The following MGAT4C variants were observed in gnomAD, a reference collection of about 807,000 sequenced individuals.
The protein encoded by MGAT4C is MGAT4 family member C, also known as alpha-1,3-mannosyl-glycoprotein 4-beta-N-acetylglucosaminyltransferase C.
A neutral mutation model predicts 40.1 loss-of-function variants in MGAT4C; 19 were observed. The ratio of observed to expected loss-of-function variants is 0.47; its 90% CI spans 0.33 to 0.70. The LOEUF is 0.70. Among genes scored for constraint, MGAT4C ranks in the 30% least tolerant of loss-of-function variants. The probability of loss-of-function intolerance (pLI) is 0.02; values close to 1 mark genes in which losing one functional copy is unlikely to be tolerated. For synonymous variants in MGAT4C, 181 were observed against 187.1 expected (o/e 0.97, Z 0.27); for missense variants, 491 against 563.2 (o/e 0.87, Z 1.30).
At chr12:86,654,779 C>T (rs189259146) in intron 2 of MGAT4C, among the ~76,000 whole-genome samples, 196 of 149,964 alleles carry the variant, frequency 1.3e-3, no homozygotes, top group African/African-American at 4.6e-3. Context: ...TTCTCTGGGA[C>T]GCTTATTAAA....
Position 86,687,849 on chromosome 12 carries a change from C to T in MGAT4C, c.-229+39360G>A, listed in dbSNP as rs559028330. On this transcript the variant is annotated intron_variant, in intron 2 of 7. Coordinates refer to the MGAT4C transcript ENST00000548651. ...AGTGTTCTGTAGATTTCTATTAGGT[C>T]TGTTTGGTCCAGTGCTGAGTTCAAA... Among the ~76,000 whole-genome samples the T allele has an allele frequency of 2.0e-5, 3 of 152,192 alleles. No individual in the cohort carries two copies. In the East Asian group the frequency reaches 5.8e-4, roughly 29 times the overall value.
chr12:86,346,303 C>T (rs1333819615), intron 3 of MGAT4C, among the ~76,000 whole-genome samples: 3 of 152,166 alleles, frequency 2.0e-5, no homozygotes, highest in African/African-American at 4.8e-5. Flanking sequence ...CAGCTCACTG[C>T]AACCTCTGCC....
chr12:86,775,468 C>G (rs549262046), intron 1 of MGAT4C, among the ~76,000 whole-genome samples: 3 of 150,908 alleles, frequency 2.0e-5, no homozygotes, highest in African/African-American at 4.8e-5. Context: ...ATTATGCTTG[C>G]TGAGTATCCA....
intron 2 of MGAT4C, among the ~76,000 whole-genome samples, chr12:86,017,833 T>G (rs2136849204): frequency 6.6e-6 from 1 of 152,314 alleles, no homozygotes; most frequent in Admixed American, 6.5e-5. Context: ...GAATCTCTAT[T>G]ATTTACCTCT....
intron 1 of MGAT4C, among the ~76,000 whole-genome samples, chr12:86,164,637 T>C (rs1344896695): frequency 1.3e-5 from 2 of 152,096 alleles, no homozygotes; most frequent in Non-Finnish European, 2.9e-5. Flanking sequence ...TGACTTTGAG[T>C]TCAGTTCTGA....
At chr12:86,196,597 C>G (rs1949815647) in intron 1 of MGAT4C, among the ~76,000 whole-genome samples, 1 of 152,194 alleles carries the variant, frequency 6.6e-6, no homozygotes. Context: ...ATGTTTGAAG[C>G]CAGTTAATTC....
intron 1 of MGAT4C, among the ~76,000 whole-genome samples, chr12:86,128,310 A>G (rs967586571): frequency 6.6e-6 from 1 of 152,018 alleles, no homozygotes; most frequent in Non-Finnish European, 1.5e-5. Context: ...CATAATTCCT[A>G]TGTGTTGTGG....
chr12:86,275,979 C>T (rs1361570735), intron 4 of MGAT4C, among the ~76,000 whole-genome samples: 8 of 132,226 alleles, frequency 6.1e-5, no homozygotes, highest in Non-Finnish European at 1.1e-4. Flanking sequence ...AAAAATTAGC[C>T]GGGCGTGGTG....
At chr12:86,505,708 G>A (rs1025569540) in intron 2 of MGAT4C, among the ~76,000 whole-genome samples, 2 of 152,058 alleles carry the variant, frequency 1.3e-5, no homozygotes, top group Non-Finnish European at 2.9e-5. Context: ...CTATGACTTA[G>A]GTTCATTTGT....
chr12:86,334,371 A>C (rs780427100), intron 3 of MGAT4C, among the ~76,000 whole-genome samples: 1 of 152,136 alleles, frequency 6.6e-6, no homozygotes, highest in South Asian at 2.1e-4. Flanking sequence ...CAGTTAATGA[A>C]ATTCAAGTCT....
At chr12:86,331,293 T>C (rs1424216192) in intron 4 of MGAT4C, among the ~76,000 whole-genome samples, 2 of 152,118 alleles carry the variant, frequency 1.3e-5, no homozygotes, top group Non-Finnish European at 2.9e-5. Context: ...GCCTGCACAG[T>C]GGCCTGCTAG....
At chr12:86,340,272 C>G (rs556895633) in intron 3 of MGAT4C, among the ~76,000 whole-genome samples, 1 of 151,922 alleles carries the variant, frequency 6.6e-6, no homozygotes, top group South Asian at 2.1e-4. Context: ...CAGAAATAAT[C>G]AAGTAAAAGG....
chr12:86,254,260 T>C (rs1301978695), intron 1 of MGAT4C, among the ~76,000 whole-genome samples: 1 of 151,980 alleles, frequency 6.6e-6, no homozygotes, highest in African/African-American at 2.4e-5. Flanking sequence ...TGAAGTCCAT[T>C]AGCTAGGTAG....
chr12:86,056,077 C>T (rs1403390468), intron 1 of MGAT4C, among the ~76,000 whole-genome samples: 1 of 152,052 alleles, frequency 6.6e-6, no homozygotes, highest in Non-Finnish European at 1.5e-5. Flanking sequence ...TTATTCCAGG[C>T]ATTCTTCTGG....
At chr12:86,425,087 A>C (rs1277776623) in intron 3 of MGAT4C, among the ~76,000 whole-genome samples, 4 of 152,026 alleles carry the variant, frequency 2.6e-5, no homozygotes, top group Non-Finnish European at 1.5e-5. Flanking sequence ...AGACAGTGAG[A>C]TAAAGTACCT....
At chr12:86,292,659 G>A (rs1295918699) in intron 4 of MGAT4C, among the ~76,000 whole-genome samples, 3 of 152,056 alleles carry the variant, frequency 2.0e-5, no homozygotes, top group Non-Finnish European at 4.4e-5. Context: ...CACCCATATT[G>A]CGTTCCACGA....
intron 2 of MGAT4C, among the ~76,000 whole-genome samples, chr12:86,639,697 G>C (rs892039136): frequency 1.3e-5 from 2 of 151,626 alleles, no homozygotes; most frequent in Non-Finnish European, 3.0e-5. Context: ...TGTATCTTAT[G>C]TGTCAGATAA....
chr12:86,178,228 G>T (rs118124538), intron 1 of MGAT4C, among the ~76,000 whole-genome samples: 1 of 152,082 alleles, frequency 6.6e-6, no homozygotes, highest in Admixed American at 6.6e-5. Context: ...GAGCTACTGC[G>T]CCTGGCTGAT....
chr12:86,700,310 C>T (rs1294169934), intron 2 of MGAT4C, among the ~76,000 whole-genome samples: 1 of 151,880 alleles, frequency 6.6e-6, no homozygotes, highest in African/African-American at 2.4e-5. Flanking sequence ...TTGACTAGAA[C>T]AGAGTTAATT....
Sources: gnomAD v4.1 joint callset for allele counts (sites outside exome capture counted in the v4.1 genomes callset) on GRCh38, gnomAD v4.1.1 for gene constraint, MANE v1.5 for transcripts, NCBI Gene and HGNC (gene_info 2026-07-23, HGNC 2026-07-21) for gene names.